PEBP4: variants seen among roughly 807,000 people sequenced by gnomAD.
The protein encoded by PEBP4 is phosphatidylethanolamine-binding protein 4.
In PEBP4, 22 loss-of-function variants were observed where a neutral mutation model predicts 23.9. That is an observed-to-expected ratio of 0.92 (90% confidence interval 0.66 to 1.31). The LOEUF (loss-of-function observed/expected upper bound fraction) is 1.31, where lower values mean the gene tolerates loss of function less well. Ranked by LOEUF, PEBP4 falls within the 40% of genes most tolerant of loss-of-function variation. The pLI, the probability that PEBP4 is intolerant of heterozygous loss-of-function variation, is 0.00. For missense variants in PEBP4, 324 were observed against 281.7 expected (o/e 1.15, Z -1.07); for synonymous variants, 112 against 99.3 (o/e 1.13, Z -0.76).
rs371415421 is a variant in PEBP4, at chr8:22,714,136, G to A, written c.518-600C>T. On this transcript the variant is annotated intron_variant, in intron 6 of 6. Coordinates refer to ENST00000256404, the MANE Select transcript of PEBP4 (RefSeq NM_144962.3). ...GGAGGGGCAGCCCCTGGACCCTGGC[G>A]GGGGAGCTGGGCCTGCAGAAACCCA... is the stretch of plus-strand genomic sequence containing the variant. 8.0e-3 allele frequency among the ~76,000 whole-genome samples: 1,219 copies of A among 152,346 alleles called. 15 individuals carry two copies. Among genetic ancestry groups the A allele is most frequent in the African/African-American group, 0.028 (1,154 of 41,574 alleles).
At chr8:22,932,359 T>C, upstream of PEBP4, among the ~76,000 whole-genome samples, 1 of 152,176 alleles carries the variant, frequency 6.6e-6, no homozygotes, top group Non-Finnish European at 1.5e-5. Context: ...TATCTATACA[T>C]ATACTAAAAA....
chr8:22,902,466 T>G (rs950544880), intron 3 of PEBP4, among the ~76,000 whole-genome samples: 1 of 143,020 alleles, frequency 7.0e-6, no homozygotes, highest in Non-Finnish European at 1.5e-5. Flanking sequence ...GATAGGGTGC[T>G]CTGAATGTGT....
intron 4 of PEBP4, among the ~76,000 whole-genome samples, chr8:22,817,132 T>C (rs1218484538): frequency 6.6e-6 from 1 of 152,236 alleles, no homozygotes; most frequent in African/African-American, 2.4e-5. Context: ...CACTTGTTTC[T>C]GTACACAAAG....
intron 6 of PEBP4, among the ~76,000 whole-genome samples, chr8:22,722,924 C>G (rs1044903029): frequency 1.3e-5 from 2 of 149,858 alleles, no homozygotes; most frequent in Admixed American, 6.8e-5. Context: ...AGGCGCCCAC[C>G]GCCACGCTGG....
chr8:22,830,794 TACC>T (rs1218651949), intron 3 of PEBP4, among the ~76,000 whole-genome samples: 3 of 152,090 alleles, frequency 2.0e-5, no homozygotes, highest in Admixed American at 6.6e-5. Flanking sequence ...CTATCACCAC[TACC>T]ACCACATCAA....
At chr8:22,723,017 G>A (rs964763022) in intron 6 of PEBP4, among the ~76,000 whole-genome samples, 3 of 150,438 alleles carry the variant, frequency 2.0e-5, no homozygotes, top group Admixed American at 6.6e-5. Context: ...TCCTGACCTC[G>A]TGATCCGCCC....
chr8:22,829,108 T>A (rs1421145544), intron 3 of PEBP4, among the ~76,000 whole-genome samples: 1 of 152,176 alleles, frequency 6.6e-6, no homozygotes, highest in African/African-American at 2.4e-5. Flanking sequence ...TTCACTTGTG[T>A]CTTAATCAGC....
intron 3 of PEBP4, among the ~76,000 whole-genome samples, chr8:22,844,875 A>AC (rs1275954215): frequency 6.6e-6 from 1 of 152,024 alleles, no homozygotes; most frequent in Non-Finnish European, 1.5e-5. Context: ...GGGGCAGCCA[A>AC]CCCATAAGCT....
intron 4 of PEBP4, among the ~76,000 whole-genome samples, chr8:22,761,123 C>T (rs1805498979): frequency 6.6e-6 from 1 of 152,168 alleles, no homozygotes; most frequent in African/African-American, 2.4e-5. Context: ...GCCCCAAAGC[C>T]TGGAGCCTCC....
intron 3 of PEBP4, among the ~76,000 whole-genome samples, chr8:22,828,160 A>G (rs1023791466): frequency 2.0e-5 from 3 of 152,176 alleles, no homozygotes; most frequent in African/African-American, 7.2e-5. Flanking sequence ...GTGAGTGGAA[A>G]GCAAGATGGC....
chr8:22,788,703 A>G (rs973482484), intron 4 of PEBP4, among the ~76,000 whole-genome samples: 1 of 152,246 alleles, frequency 6.6e-6, no homozygotes, highest in Non-Finnish European at 1.5e-5. Flanking sequence ...AGGATTCTAC[A>G]TTGATAGAAA....
chr8:22,934,556 G>T (rs1412207505), intron 1 of PEBP4, among the ~76,000 whole-genome samples: 1 of 152,208 alleles, frequency 6.6e-6, no homozygotes, highest in African/African-American at 2.4e-5. Context: ...CTGAAAAGCA[G>T]CCAGATGCAG....
chr8:22,902,291 C>T (rs1216326664), intron 3 of PEBP4, among the ~76,000 whole-genome samples: 2 of 152,122 alleles, frequency 1.3e-5, no homozygotes, highest in East Asian at 1.9e-4. Flanking sequence ...TTCACCCCAT[C>T]GCACTCCAGC....
At chr8:22,787,974 C>A (rs80192652) in intron 4 of PEBP4, among the ~76,000 whole-genome samples, 2 of 152,056 alleles carry the variant, frequency 1.3e-5, no homozygotes, top group Non-Finnish European at 1.5e-5. Context: ...GCCTACAGAG[C>A]GTGCAGGGGG....
intron 3 of PEBP4, among the ~76,000 whole-genome samples, chr8:22,835,785 T>C (rs1388378755): frequency 6.6e-6 from 1 of 152,230 alleles, no homozygotes; most frequent in Non-Finnish European, 1.5e-5. Flanking sequence ...AGAATGACAT[T>C]AGAACAGGCC....
chr8:22,749,805 C>CTTTTTTTTTTTTTTTTTTTTTTTT lies in PEBP4; in HGVS notation c.358-22586_358-22585insAAAAAAAAAAAAAAAAAAAAAAAA. ...CTCTCCTGATTCTCAGTTTGTCATT[C>CTTTTTTTTTTTTTTTTTTTTTTTT]TTTTTTTTTTTTTTTTTTGAGATGG... On this transcript the variant is annotated intron_variant, in intron 4 of 6. Transcript: ENST00000256404. Among the ~76,000 whole-genome samples the CTTTTTTTTTTTTTTTTTTTTTTTT allele has an allele frequency of 5.8e-3, 486 of 83,700 alleles. 107 individuals are homozygous for CTTTTTTTTTTTTTTTTTTTTTTTT. The highest frequency in any genetic ancestry group is 9.4e-3 in the Middle Eastern group (1 of 106). The allele number at this position is 83,700 out of a possible 152,430, so 54.9% of individuals were successfully genotyped here.
chr8:22,799,407 T>C (rs1169187678), intron 4 of PEBP4, among the ~76,000 whole-genome samples: 1 of 152,236 alleles, frequency 6.6e-6, no homozygotes, highest in Non-Finnish European at 1.5e-5. Flanking sequence ...TTAAGGAATT[T>C]TAGGCACCTC....
chr8:22,820,347 G>A (rs1806832646), intron 3 of PEBP4, among the ~76,000 whole-genome samples: 1 of 152,172 alleles, frequency 6.6e-6, no homozygotes. Flanking sequence ...TACAGGTGTG[G>A]AATACGTGGT....
At chr8:22,755,404 C>T (rs886733466) in intron 4 of PEBP4, among the ~76,000 whole-genome samples, 3 of 141,670 alleles carry the variant, frequency 2.1e-5, no homozygotes, top group East Asian at 4.5e-4. Context: ...GGCGTGATCT[C>T]GGCTCATTGC....
Sources: gnomAD v4.1 joint callset for allele counts (sites outside exome capture counted in the v4.1 genomes callset) on GRCh38, gnomAD v4.1.1 for gene constraint, MANE v1.5 for transcripts, NCBI Gene and HGNC (gene_info 2026-07-23, HGNC 2026-07-21) for gene names.